ZFHX4: variants seen among roughly 807,000 people sequenced by gnomAD.
ZFHX4 encodes the protein zinc finger homeobox protein 4.
A neutral mutation model predicts 267.6 loss-of-function variants in ZFHX4; 56 were observed. The ratio of observed to expected loss-of-function variants is 0.21; its 90% CI spans 0.17 to 0.26. The LOEUF is 0.26. ZFHX4 is among the 10% of genes least tolerant of loss of function. ZFHX4 has a pLI of 1.00. For missense variants in ZFHX4, 4,332 were observed against 4,420.0 expected, an observed-to-expected ratio of 0.98 and a Z score of 0.56; for synonymous variants, 1,778 against 1,665.6, an observed-to-expected ratio of 1.07 and a Z score of -1.64.
At chr8:76,849,236 C>A in intron 7 of ZFHX4, 108 bp downstream of exon 7, 1 of 1,270,054 alleles carries the variant, frequency 7.9e-7, no homozygotes, top group Admixed American at 2.8e-5. Flanking sequence ...GTAGACATTG[C>A]AATTGGCAAT....
intron 3 of ZFHX4, among the ~76,000 whole-genome samples, chr8:76,767,575 G>A (rs755424969): frequency 1.6e-4 from 24 of 152,236 alleles, no homozygotes; most frequent in African/African-American, 4.8e-4. Context: ...ATACCTGCAC[G>A]TAGCAGTTTA....
intron 6 of ZFHX4, among the ~76,000 whole-genome samples, chr8:76,844,284 A>G (rs1812310798): frequency 6.6e-6 from 1 of 152,170 alleles, no homozygotes; most frequent in Non-Finnish European, 1.5e-5. Context: ...CATCTTTCAC[A>G]TAGTAGTACC....
intron 4 of ZFHX4, among the ~76,000 whole-genome samples, chr8:76,814,518 G>C (rs1348579566): frequency 6.6e-6 from 1 of 152,134 alleles, no homozygotes; most frequent in East Asian, 1.9e-4. Context: ...TTTATACGAA[G>C]AAGGTCTATA....
chr8:76,833,571 T>A, intron 5 of ZFHX4, 165 bp downstream of exon 5: 1 of 569,878 alleles, frequency 1.8e-6, no homozygotes, highest in Non-Finnish European at 3.1e-6. Context: ...ATTCAATAAT[T>A]GGAAGTATAT....
At chr8:76,723,905 G>T (rs546999834) in intron 3 of ZFHX4, among the ~76,000 whole-genome samples, 1 of 152,126 alleles carries the variant, frequency 6.6e-6, no homozygotes, top group Non-Finnish European at 1.5e-5. Flanking sequence ...CAGTTAGAAA[G>T]GTAGCCAGGG....
intron 1 of ZFHX4, among the ~76,000 whole-genome samples, chr8:76,684,778 C>A (rs1451159613): frequency 6.6e-6 from 1 of 152,052 alleles, no homozygotes; most frequent in East Asian, 1.9e-4. Flanking sequence ...CAGATGAGCC[C>A]AAATCTGTTC....
intron 4 of ZFHX4, among the ~76,000 whole-genome samples, chr8:76,783,108 C>T (rs762878425): frequency 6.6e-6 from 1 of 151,940 alleles, no homozygotes; most frequent in Non-Finnish European, 1.5e-5. Flanking sequence ...TTTGTCATGG[C>T]CTCACGAAAT....
intron 9 of ZFHX4, 135 bp downstream of exon 9, chr8:76,850,497 A>G (rs1478338435): frequency 1.3e-6 from 1 of 775,118 alleles, no homozygotes; most frequent in African/African-American, 1.8e-5. Context: ...TCAAAGAGCC[A>G]TATTTTCCAA....
chr8:76,851,470 C>T lies in ZFHX4; in HGVS notation c.4549C>T (p.Pro1517Ser), dbSNP rs1345947170. The change falls in exon 10 of 11, where the codon CCA (proline) becomes TCA (serine). Residue 1517 changes from proline to serine, a missense_variant. By Grantham distance (74) the Pro-to-Ser change is moderately conservative. Coordinates refer to ENST00000651372, the MANE Select transcript of ZFHX4 (RefSeq NM_024721.5). ...TATTCCAGATGACATGGGCTCTGAA[C>T]CAAAGCGGACCTTACCTTTTAGAAA... ...SSIPDDMGSE[P>S]KRTLPFRKGP... 2 of 1,613,840 alleles carry T rather than the reference C, an allele frequency of 1.2e-6. No individual in the cohort carries two copies. Among genetic ancestry groups the T allele is most frequent in the Admixed American group, 1.7e-5 (1 of 60,006 alleles).
chr8:76,738,285 GT>G (rs1240789769), intron 3 of ZFHX4, among the ~76,000 whole-genome samples: 1 of 152,150 alleles, frequency 6.6e-6, no homozygotes, highest in East Asian at 1.9e-4. Context: ...TGCTCACACA[GT>G]TATGCTGATG....
intron 3 of ZFHX4, among the ~76,000 whole-genome samples, chr8:76,722,909 A>G (rs1036555850): frequency 6.6e-6 from 1 of 152,060 alleles, no homozygotes; most frequent in East Asian, 1.9e-4. Flanking sequence ...AGGACTTGTC[A>G]TTCCTGAAAA....
intron 4 of ZFHX4, among the ~76,000 whole-genome samples, chr8:76,817,413 T>A (rs192280559): frequency 1.8e-4 from 27 of 152,168 alleles, no homozygotes; most frequent in Admixed American, 1.6e-3. Context: ...AAATTAAAAG[T>A]CAAGTTGACA....
intron 3 of ZFHX4, among the ~76,000 whole-genome samples, chr8:76,713,971 A>C (rs2131626342): frequency 6.6e-6 from 1 of 152,148 alleles, no homozygotes; most frequent in African/African-American, 2.4e-5. Context: ...CACCTCAGAA[A>C]CAGAGTCAAT....
At chr8:76,820,953 G>T (rs1250255687) in intron 4 of ZFHX4, among the ~76,000 whole-genome samples, 2 of 152,194 alleles carry the variant, frequency 1.3e-5, no homozygotes, top group East Asian at 3.9e-4. Flanking sequence ...TTTAGTCCCT[G>T]TCTTGTATTG....
intron 6 of ZFHX4, among the ~76,000 whole-genome samples, chr8:76,847,012 C>T (rs1812381537): frequency 6.6e-6 from 1 of 152,116 alleles, no homozygotes; most frequent in African/African-American, 2.4e-5. Flanking sequence ...CCTAAGGAAA[C>T]ATATTCTTAC....
intron 5 of ZFHX4, among the ~76,000 whole-genome samples, chr8:76,836,487 A>G (rs1172000725): frequency 6.6e-6 from 1 of 152,134 alleles, no homozygotes; most frequent in Non-Finnish European, 1.5e-5. Context: ...AAGTGAGCCG[A>G]GTCCTGGTTA....
intron 4 of ZFHX4, among the ~76,000 whole-genome samples, chr8:76,827,786 C>T (rs1382376378): frequency 6.6e-6 from 1 of 152,098 alleles, no homozygotes; most frequent in African/African-American, 2.4e-5. Context: ...ATAGTACTCC[C>T]TTACTATATA....
At chr8:76,753,903 C>T (rs1006349898) in intron 3 of ZFHX4, among the ~76,000 whole-genome samples, 1 of 151,650 alleles carries the variant, frequency 6.6e-6, no homozygotes, top group East Asian at 1.9e-4. Flanking sequence ...TTTGGGATCA[C>T]CGGCATGAGC....
chr8:76,835,060 T>C (rs1429480633), intron 5 of ZFHX4, among the ~76,000 whole-genome samples: 1 of 151,028 alleles, frequency 6.6e-6, no homozygotes, highest in African/African-American at 2.4e-5. Context: ...ACCTAAATTA[T>C]AGGTTTTATA....
Sources: gnomAD v4.1 joint callset for allele counts (sites outside exome capture counted in the v4.1 genomes callset) on GRCh38, gnomAD v4.1.1 for gene constraint, MANE v1.5 for transcripts, NCBI Gene and HGNC (gene_info 2026-07-23, HGNC 2026-07-21) for gene names.